Variants in BRD2 observed in about 807,000 individuals in gnomAD.
BRD2 encodes the protein bromodomain containing 2.
BRD2 carries 15 observed loss-of-function variants against 79.1 expected under a neutral mutation model. The ratio of observed to expected loss-of-function variants is 0.19; its 90% CI spans 0.13 to 0.29. BRD2 has a LOEUF of 0.29. BRD2 is among the 10% of genes least tolerant of loss of function. BRD2 has a pLI of 1.00. For synonymous variants in BRD2, 488 were observed against 358.6 expected (o/e 1.36, Z -4.08); for missense variants, 1,053 against 991.3 (o/e 1.06, Z -0.84).
At position 32,980,750 on chromosome 6, in the gene BRD2, G is replaced by C. The variant is rs1255224629; in HGVS notation, c.*32G>C. 2 of 1,610,684 alleles carry C rather than the reference G, an allele frequency of 1.2e-6. No homozygotes were observed. The highest frequency in any genetic ancestry group is 1.7e-6 in the Non-Finnish European group (2 of 1,179,784). On this transcript the variant is annotated 3_prime_UTR_variant, in exon 13 of 13. Coordinates refer to ENST00000374825, the MANE Select transcript of BRD2 (RefSeq NM_005104.4). ...AGGCCAGATGGGGCAGGAAGGCTCC[G>C]CAGGACCGGACCCCTAGACCACCCT...
intron 2 of BRD2, chr6:32,973,146 C>T (rs1234137905): frequency 1.4e-5 from 22 of 1,547,986 alleles, no homozygotes; most frequent in Admixed American, 3.9e-5. Context: ...AATTTATACG[C>T]TATTAATGCC....
chr6:32,975,918 C>T (rs1484534306), intron 4 of BRD2, 113 bp from the exon 5 acceptor site: 13 of 1,206,822 alleles, frequency 1.1e-5, no homozygotes, highest in Non-Finnish European at 1.5e-5. Flanking sequence ...GACAAGATGA[C>T]TGGTGGGGGT....
rs777467880 is a variant in BRD2, at chr6:32,976,460, C to T, written c.821C>T (p.Ala274Val). The T allele has an allele frequency of 4.4e-6, 7 of 1,608,622 alleles. No homozygotes were observed. The highest frequency in any genetic ancestry group is 4.5e-5 in the East Asian group (2 of 44,902). Residue 274 changes from alanine to valine, a missense_variant, in exon 6 of 13, where the codon GCC becomes GTC. Transcript: ENST00000374825. ...VTAAPPAQPL[A>V]KKKGVKRKAD... is the part of the protein sequence containing the mutation. ...GCAGCTCCTCCAGCCCAGCCCCTTG[C>T]CAAGGTATGATCTGTGGATTTCCTC... is the stretch of plus-strand genomic sequence containing the variant.
Position 32,976,933 on chromosome 6 carries a change from C to T in BRD2, c.1197C>T (p.Val399=). 1 of 1,607,294 alleles carries T rather than the reference C, an allele frequency of 6.2e-7. No individual in the cohort carries two copies. Among genetic ancestry groups the T allele is most frequent in the East Asian group, 2.2e-5 (1 of 44,832 alleles). The change falls in exon 7 of 13, where the codon GTC becomes GTT. Residue 399 remains valine, a synonymous_variant. Transcript: ENST00000374825. ...IIKHPMDLST[V]KRKMENRDYR... ...AGCACCCCATGGACCTCAGCACTGT[C>T]AAGGTACCCACTGCATGGGGCAGAT...
At position 32,974,672 on chromosome 6, in the gene BRD2, A is replaced by G. The variant is rs765921890; in HGVS notation, c.240A>G (p.Gln80=). 6 of 1,614,122 alleles carry G rather than the reference A, an allele frequency of 3.7e-6. No individual in the cohort carries two copies. Among genetic ancestry groups the G allele is most frequent in the Middle Eastern group, 3.3e-4 (2 of 6,084 alleles). The part of the protein sequence containing the change: ...KKPGRVTNQL[Q]YLHKVVMKAL... ...CAGGACGAGTTACCAACCAGCTGCA[A>G]TACCTACACAAGGTAGTGATGAAGG... The change falls in exon 3 of 13, where the codon CAA becomes CAG. Residue 80 remains glutamine (Q), a synonymous_variant. Transcript: ENST00000374825.
chr6:32,977,992 A>T lies in BRD2; in HGVS notation c.1565A>T (p.Glu522Val), dbSNP rs767121239. 11 of 1,610,142 alleles carry T rather than the reference A, an allele frequency of 6.8e-6. No homozygotes were observed. Among genetic ancestry groups the T allele is most frequent in the Non-Finnish European group, 9.3e-6 (11 of 1,179,848 alleles). Residue 522 changes from glutamate to valine, a missense_variant, in exon 9 of 13, where the codon GAA becomes GTA. Coordinates refer to ENST00000374825, the MANE Select transcript of BRD2 (RefSeq NM_005104.4). ...GAAGAAAGGGCTCATCGCTTAGCAG[A>T]ACTACAGGAACAGGTATTTTGTCAC... Reference protein sequence around the residue: ...SEEERAHRLAELQEQLRAVHE... With the variant: ...SEEERAHRLAVLQEQLRAVHE...
In BRD2 at chr6:32,971,943, G is replaced by T. The variant is rs1419570975; in HGVS notation, c.-956G>T. On this transcript the variant is annotated 5_prime_UTR_variant, in exon 2 of 13. Coordinates refer to ENST00000374825, the MANE Select transcript of BRD2 (RefSeq NM_005104.4). ...ATGTGGCGGGTTGCCACTTCCCTGT[G>T]GGTCTCTGCGGCACTCTTCTGCCTG... The T allele has an allele frequency of 1.4e-6, 1 of 702,734 alleles. No homozygotes were observed. Among genetic ancestry groups the T allele is most frequent in the South Asian group, 1.5e-5 (1 of 67,592 alleles). 43.5% of individuals were successfully genotyped at this position (702,734 alleles called of 1,614,324 possible). A position where few individuals can be genotyped will look rare whatever the true frequency, so the allele number is the denominator to read the frequency against.
At chr6:32,975,213 T>G in intron 3 of BRD2, 171 bp from the exon 4 acceptor site, 1 of 1,247,804 alleles carries the variant, frequency 8.0e-7, no homozygotes, top group Non-Finnish European at 1.1e-6. Flanking sequence ...CTTTTTTATT[T>G]ATTTATTTAT....
In BRD2 at chr6:32,974,930, A is replaced by C. The variant is rs1778525974; in HGVS notation, c.333+165A>C. 8.5e-6 allele frequency: 12 copies of C among 1,404,060 alleles called. No homozygotes were observed. In the South Asian group the frequency reaches 1.4e-4, roughly 16 times the overall value. 87.0% of individuals were successfully genotyped at this position (1,404,060 alleles called of 1,614,324 possible). On this transcript the variant is annotated intron_variant, in intron 3 of 12. Transcript: ENST00000374825. ...TGGGTATCTTGGTCCTTTGTGATTG[A>C]TCCGACCGCTTGCTGTAACTATCTT... is the stretch of plus-strand genomic sequence containing the variant.
At chr6:32,980,516 A>C (rs1168284132) in intron 12 of BRD2, 52 bp downstream of exon 12, 3 of 1,612,196 alleles carry the variant, frequency 1.9e-6, no homozygotes, top group Non-Finnish European at 2.5e-6. Flanking sequence ...TGCCTTCTTG[A>C]CTGTCTTTTA....
intron 7 of BRD2, chr6:32,977,219 A>G (rs768384890): frequency 6.6e-7 from 1 of 1,517,906 alleles, no homozygotes. Flanking sequence ...AAACAGGCAT[A>G]GGCCACCTCT....
intron 10 of BRD2, 52 bp downstream of exon 10, chr6:32,978,440 G>C (rs1187473853): frequency 1.3e-6 from 2 of 1,579,596 alleles, no homozygotes; most frequent in South Asian, 1.1e-5. Context: ...GTCTCTCTGG[G>C]GGATGCCATC....
At chr6:32,978,073 CTT>C in intron 9 of BRD2, 51 bp from the exon 10 acceptor site, 1 of 1,581,878 alleles carries the variant, frequency 6.3e-7, no homozygotes, top group Non-Finnish European at 8.6e-7. Context: ...ATTTTTTCTT[CTT>C]GTTATTTTAT....
rs1474133237 is a variant in BRD2, at chr6:32,976,561, GA to G, written c.831del (p.Gly278AlafsTer2). On this transcript the variant is annotated frameshift_variant and splice_region_variant, in exon 7 of 13. Coordinates refer to ENST00000374825, the MANE Select transcript of BRD2 (RefSeq NM_005104.4). LOFTEE classifies it high-confidence loss of function. ...AAPPAQPLAKKKGVKRKADTT... is the reference protein window; with the variant it reads ...AAPPAQPLAKXKGVKRKADTT... ...GTTCCCTATCTTGTTTCTTTCTGCA[GA>G]AAAAAGGCGTAAAGCGGAAAGCAGA... 4 of 1,591,040 alleles carry G rather than the reference GA, an allele frequency of 2.5e-6. No homozygotes were observed. Among genetic ancestry groups the G allele is most frequent in the Non-Finnish European group, 3.4e-6 (4 of 1,170,094 alleles).
In BRD2 at chr6:32,981,355, A is replaced by G. The variant is rs765491877; in HGVS notation, c.*637A>G. ...TTTGCTTTTGTAGTGTTTCAAAAGG[A>G]ACATCATAAGAATTGTCTTGATAAT... On this transcript the variant is annotated 3_prime_UTR_variant, in exon 13 of 13. Coordinates refer to ENST00000374825, the MANE Select transcript of BRD2 (RefSeq NM_005104.4). 2.0e-5 allele frequency: 3 copies of G among 152,232 alleles called. No individual in the cohort carries two copies. The highest frequency in any genetic ancestry group is 4.4e-5 in the Non-Finnish European group (3 of 68,050). 9.4% of individuals were successfully genotyped at this position (152,232 alleles called of 1,614,324 possible).
chr6:32,975,401 A>G lies in BRD2; in HGVS notation c.351A>G (p.Ile117Met). ...KLGLPDYHKI[I>M]KQPMDMGTIK... is the part of the protein sequence containing the mutation. ...TTATTTAGGATTATCACAAAATTAT[A>G]AAACAGCCTATGGACATGGGTACTA... The change falls in exon 4 of 13, where the codon ATA becomes ATG. Residue 117 changes from isoleucine (I) to methionine (M), a missense_variant. Physicochemically the swap from Ile to Met is conservative, Grantham distance 10 (BLOSUM62 1). Around this residue, in one of 5 missense-constraint regions of BRD2, gnomAD observed 413 missense variants for 335.1 expected, o/e 1.23. Coordinates refer to ENST00000374825, the MANE Select transcript of BRD2 (RefSeq NM_005104.4). The G allele has an allele frequency of 2.5e-6, 4 of 1,607,358 alleles. No homozygotes were observed. The highest frequency in any genetic ancestry group is 2.6e-6 in the Non-Finnish European group (3 of 1,175,698).
intron 1 of BRD2, among the ~76,000 whole-genome samples, chr6:32,969,614 A>G (rs1273653981): frequency 2.0e-5 from 3 of 152,158 alleles, no homozygotes; most frequent in African/African-American, 7.2e-5. Flanking sequence ...CGCTTACCGA[A>G]TTTGTGTGCA....
intron 2 of BRD2, 95 bp downstream of exon 2, chr6:32,973,022 C>CGCGCTGCTGTTGCG: frequency 6.2e-7 from 1 of 1,612,538 alleles, no homozygotes; most frequent in Non-Finnish European, 8.5e-7. Flanking sequence ...GCGGCCCCGG[C>CGCGCTGCTGTTGCG]GCGCTGCTGT....
chr6:32,977,151 C>G, intron 7 of BRD2: 1 of 1,300,108 alleles, frequency 7.7e-7, no homozygotes, highest in Non-Finnish European at 1.0e-6. Context: ...GAGAAAAATA[C>G]TGTCTATAAT....
Sources: allele counts gnomAD v4.1 joint callset (sites outside exome capture counted in the v4.1 genomes callset), GRCh38; gene constraint gnomAD v4.1.1; regional missense constraint gnomAD v4.1.1; transcripts MANE v1.5; gene names NCBI Gene and HGNC (gene_info 2026-07-23, HGNC 2026-07-21).